Variants in TACC2 observed in about 807,000 individuals in gnomAD.
The protein encoded by TACC2 is transforming acidic coiled-coil-containing protein 2.
Under a neutral mutation model 227.3 loss-of-function variants are expected in TACC2, and 137 were observed. That is an observed-to-expected ratio of 0.60 (90% CI 0.52 to 0.69). The LOEUF (loss-of-function observed/expected upper bound fraction) is 0.69. TACC2 is among the 30% of genes least tolerant of loss of function. The pLI, the probability that TACC2 is intolerant of heterozygous loss-of-function variation, is 0.00. For synonymous variants in TACC2, 1,523 were observed against 1,487.5 expected (o/e 1.02, Z -0.55); for missense variants, 3,470 against 3,694.4 (o/e 0.94, Z 1.57).
intron 5 of TACC2, among the ~76,000 whole-genome samples, chr10:122,126,274 T>C (rs2421001): frequency 0.61 from 92,297 of 151,392 alleles, 32,558 homozygotes; most frequent in Non-Finnish European, 0.77. Flanking sequence ...TCTAAATGGA[T>C]TCATAGATTA....
intron 3 of TACC2, among the ~76,000 whole-genome samples, chr10:122,057,836 A>G (rs2076368041): frequency 6.6e-6 from 1 of 152,102 alleles, no homozygotes; most frequent in Admixed American, 6.6e-5. Context: ...CAAAAAAACA[A>G]AAACAAAAAC....
rs569089470 is a variant in TACC2 at position 122,014,044 on chromosome 10, A to G, written c.-45-7893A>G. Among the ~76,000 whole-genome samples the G allele has an allele frequency of 3.3e-5, 5 of 152,238 alleles. No individual in the cohort carries two copies. The South Asian group carries it at 8.3e-4, about 25-fold the overall frequency. On this transcript the variant is annotated intron_variant, in intron 1 of 22. Transcript: ENST00000369005. Reference sequence around the variant, plus strand: ...TCTATCATGCTGCAAAAAAAAAGATAATTTTTTCAATAGAGAATAAAAACT... The same window carrying G: ...TCTATCATGCTGCAAAAAAAAAGATGATTTTTTCAATAGAGAATAAAAACT...
At chr10:122,249,476 C>G (rs1026939394) in intron 21 of TACC2, 68 bp from the exon 22 acceptor site, 22 of 1,577,900 alleles carry the variant, frequency 1.4e-5, no homozygotes, top group Non-Finnish European at 1.6e-5. Context: ...CTGCCTGGAC[C>G]TGGGAAGCAG....
intron 6 of TACC2, among the ~76,000 whole-genome samples, chr10:122,133,535 GTGTC>G (rs1191841842): frequency 3.9e-5 from 6 of 152,110 alleles, no homozygotes; most frequent in African/African-American, 1.2e-4. Context: ...GTCTGTGTGT[GTGTC>G]TATGAATACA....
Position 122,158,799 on chromosome 10 carries a change from A to G in TACC2, c.5834+15093A>G, listed in dbSNP as rs114775146. ...TAATGTTGGCATGTAAGAGGTTAACAGAATATCTGTACCGCTGCAAATAAA... is the reference window on the plus strand; with the variant it reads ...TAATGTTGGCATGTAAGAGGTTAACGGAATATCTGTACCGCTGCAAATAAA... On this transcript the variant is annotated intron_variant, in intron 7 of 22. Transcript: ENST00000369005. Among the ~76,000 whole-genome samples the G allele has an allele frequency of 5.3e-3, 814 of 152,374 alleles. 9 individuals are homozygous for G. The highest frequency in any genetic ancestry group is 0.018 in the African/African-American group (762 of 41,582).
At position 122,107,876 on chromosome 10, in the gene TACC2, A is replaced by T. The variant is rs868457541; in HGVS notation, c.5573+19285A>T. ...CCCAAAGTCCATTATATATATATATATATATTTTTTTTTTCTTTTTTCTTT... is the reference window on the plus strand; with the variant it reads ...CCCAAAGTCCATTATATATATATATTTATATTTTTTTTTTCTTTTTTCTTT... On this transcript the variant is annotated intron_variant, in intron 5 of 22. Coordinates refer to ENST00000369005, the MANE Select transcript of TACC2 (RefSeq NM_206862.4). Among the ~76,000 whole-genome samples, 431 of 85,542 alleles carry T rather than the reference A, an allele frequency of 5.0e-3. 2 individuals are homozygous for T. The highest frequency in any genetic ancestry group is 0.014 in the African/African-American group (305 of 22,310). 56.1% of individuals were successfully genotyped at this position (85,542 alleles called of 152,430 possible).
intron 5 of TACC2, among the ~76,000 whole-genome samples, chr10:122,120,287 C>T (rs967129146): frequency 6.6e-6 from 1 of 152,222 alleles, no homozygotes; most frequent in Middle Eastern, 3.2e-3. Context: ...TCACAGCCTC[C>T]TCCAAGCTGA....
At chr10:122,064,307 C>T (rs1256425694) in intron 3 of TACC2, among the ~76,000 whole-genome samples, 3 of 152,150 alleles carry the variant, frequency 2.0e-5, no homozygotes, top group African/African-American at 7.2e-5. Flanking sequence ...ATGCACACTT[C>T]CCTCCTCCAT....
At chr10:122,106,989 C>T (rs1400468102) in intron 5 of TACC2, among the ~76,000 whole-genome samples, 1 of 152,230 alleles carries the variant, frequency 6.6e-6, no homozygotes, top group Non-Finnish European at 1.5e-5. Flanking sequence ...GGCAGGAAGA[C>T]CCCTGATGGT....
At chr10:122,196,841 C>T (rs1383693655) in intron 8 of TACC2, among the ~76,000 whole-genome samples, 1 of 142,588 alleles carries the variant, frequency 7.0e-6, no homozygotes, top group Non-Finnish European at 1.5e-5. Flanking sequence ...GAGGCTGAGG[C>T]AGGAGAATGG....
rs868654555 is a variant in TACC2, at chr10:122,150,259, G to A, written c.5834+6553G>A. On this transcript the variant is annotated intron_variant, in intron 7 of 22. Transcript: ENST00000369005. This position sits in a 1 kb window ranked among gnomAD's most constrained non-coding sequence, Gnocchi z 4.0. ...ACGGCCCCTAGAGCAGCTGGGAAGGGGATCCCGCCCTGAAATGGGGCTCAG... is the reference window on the plus strand; with the variant it reads ...ACGGCCCCTAGAGCAGCTGGGAAGGAGATCCCGCCCTGAAATGGGGCTCAG... Among the ~76,000 whole-genome samples the A allele has an allele frequency of 4.6e-5, 7 of 152,364 alleles. 1 individual carries two copies. In the Middle Eastern group the frequency reaches 0.01, roughly 222 times the overall value.
intron 1 of TACC2, among the ~76,000 whole-genome samples, chr10:121,998,517 T>A (rs1420930865): frequency 1.3e-5 from 2 of 152,160 alleles, no homozygotes; most frequent in African/African-American, 4.8e-5. Context: ...ATGTCATGGA[T>A]AGCAGGAGCA....
chr10:122,062,025 C>CG, intron 3 of TACC2, among the ~76,000 whole-genome samples: 1 of 63,998 alleles, frequency 1.6e-5, no homozygotes. Flanking sequence ...GTCAGAGCGG[C>CG]TTTTTTTTTT....
chr10:122,203,913 C>T (rs566840468), intron 8 of TACC2, among the ~76,000 whole-genome samples: 1,552 of 152,098 alleles, frequency 0.01, 13 homozygotes, highest in Non-Finnish European at 0.017. Context: ...CCCGGCACCT[C>T]GGGAGGCCGA....
intron 6 of TACC2, among the ~76,000 whole-genome samples, chr10:122,136,569 A>G (rs948876492): frequency 1.3e-5 from 2 of 148,664 alleles, no homozygotes; most frequent in Non-Finnish European, 3.0e-5. Flanking sequence ...ATATATATAT[A>G]TTAGATGTAG....
intron 3 of TACC2, among the ~76,000 whole-genome samples, chr10:122,064,204 A>G (rs1029257153): frequency 3.3e-5 from 5 of 151,904 alleles, no homozygotes; most frequent in South Asian, 2.1e-4. Flanking sequence ...TAATTTTTAT[A>G]TATGTATATG....
At chr10:122,135,019 C>T (rs1592435283) in intron 6 of TACC2, among the ~76,000 whole-genome samples, 1 of 152,156 alleles carries the variant, frequency 6.6e-6, no homozygotes, top group Admixed American at 6.5e-5. Flanking sequence ...TGTGTTTCAT[C>T]GAGTGTCTCC....
At chr10:122,093,451 C>T (rs1227453343) in intron 5 of TACC2, among the ~76,000 whole-genome samples, 1 of 152,216 alleles carries the variant, frequency 6.6e-6, no homozygotes, top group Non-Finnish European at 1.5e-5. Context: ...TAGAGGATGG[C>T]TACAACTGTA....
intron 5 of TACC2, among the ~76,000 whole-genome samples, chr10:122,098,384 C>T (rs1003991420): frequency 6.6e-6 from 1 of 152,190 alleles, no homozygotes; most frequent in Non-Finnish European, 1.5e-5. Context: ...GCGCTGCATA[C>T]GTGTTTGCTA....
Sources: allele counts gnomAD v4.1 joint callset (sites outside exome capture counted in the v4.1 genomes callset), GRCh38; gene constraint gnomAD v4.1.1; non-coding constraint Gnocchi (gnomAD v3.1); transcripts MANE v1.5; gene names NCBI Gene and HGNC (gene_info 2026-07-23, HGNC 2026-07-21).